Variants in ICE1 observed in about 807,000 individuals in gnomAD.
ICE1 encodes little elongation complex subunit 1.
A neutral mutation model predicts 192.7 loss-of-function variants in ICE1; 64 were observed. The observed-to-expected ratio is 0.33, with a 90% CI of 0.27 to 0.41. The LOEUF (loss-of-function observed/expected upper bound fraction) is 0.41, where lower values mean the gene tolerates loss of function less well. Among genes scored for constraint, ICE1 ranks in the 10% least tolerant of loss-of-function variants. The pLI, the probability that ICE1 is intolerant of heterozygous loss-of-function variation, is 1.00. For missense variants in ICE1, 2,708 were observed against 2,696.0 expected, an observed-to-expected ratio of 1.00 and a Z score of -0.10; for synonymous variants, 1,010 against 984.5, an observed-to-expected ratio of 1.03 and a Z score of -0.49.
chr5:5,467,469 GCT>G (rs1739021599), intron 14 of ICE1, among the ~76,000 whole-genome samples: 1 of 152,106 alleles, frequency 6.6e-6, no homozygotes, highest in African/African-American at 2.4e-5. Context: ...CAGCTTTCTT[GCT>G]CTGTTTCCCT....
Position 5,444,305 on chromosome 5 carries a change from G to T in ICE1, c.403G>T (p.Ala135Ser). 6.4e-7 allele frequency: 1 copy of T among 1,567,378 alleles called. No individual in the cohort carries two copies. Among genetic ancestry groups the T allele is most frequent in the Non-Finnish European group, 8.7e-7 (1 of 1,154,022 alleles). Residue 135 changes from alanine to serine, a missense_variant, in exon 7 of 19, where the codon GCT becomes TCT. This residue lies in a region of ICE1 where 2,366 missense variants were observed against 2,276.6 expected (regional missense o/e 1.04). Coordinates refer to ENST00000296564, the MANE Select transcript of ICE1 (RefSeq NM_015325.3). ...CGTTATTAGGAAGAAGAAACTAGAA[G>T]CTAAGGTGAAGAAGCTGCAAGGTAA... ...KSDAQKKKLE[A>S]KVKKLQEAAV...
chr5:5,459,729 C>T (rs1170185228), intron 12 of ICE1, among the ~76,000 whole-genome samples: 7 of 152,218 alleles, frequency 4.6e-5, no homozygotes, highest in African/African-American at 1.7e-4. Flanking sequence ...CCACTGTTCT[C>T]TAACAGAATA....
chr5:5,440,908 G>A (rs2578555), intron 4 of ICE1, among the ~76,000 whole-genome samples: 68,274 of 150,030 alleles, frequency 0.46, 16,347 homozygotes, highest in East Asian at 0.64. Flanking sequence ...CTAACAAAAA[G>A]AAAGAAAAGA....
At chr5:5,444,064 A>G (rs1738128615) in intron 6 of ICE1, among the ~76,000 whole-genome samples, 1 of 152,208 alleles carries the variant, frequency 6.6e-6, no homozygotes, top group African/African-American at 2.4e-5. Flanking sequence ...CAGAAATTTG[A>G]CAGGCCCATG....
Position 5,464,736 on chromosome 5 carries a change from C to A in ICE1, c.5402C>A (p.Ser1801Ter). 6.2e-7 allele frequency: 1 copy of A among 1,613,940 alleles called. No individual in the cohort carries two copies. Residue 1801 changes from serine to a stop codon, truncating the protein, a stop_gained, in exon 13 of 19, where the codon TCA becomes TAA. Transcript: ENST00000296564. LOFTEE classifies it high-confidence loss of function. The surrounding 1 kb of genome is among the most constrained non-coding windows in gnomAD (Gnocchi z 4.0). ...SAMIGFKTIT[S>*]AATAFVKTGS... is the part of the protein sequence containing the mutation. ...ATGATAGGATTCAAAACGATCACTTCAGCAGCAACTGCTTTTGTCAAAACT... is the reference window on the plus strand; with the variant it reads ...ATGATAGGATTCAAAACGATCACTTAAGCAGCAACTGCTTTTGTCAAAACT...
At chr5:5,446,846 A>G (rs1024595904) in intron 7 of ICE1, among the ~76,000 whole-genome samples, 1 of 152,226 alleles carries the variant, frequency 6.6e-6, no homozygotes, top group Non-Finnish European at 1.5e-5. Flanking sequence ...ATGTAAAGTC[A>G]GTACTGGTCA....
chr5:5,425,483 A>G (rs1241685952), intron 1 of ICE1, among the ~76,000 whole-genome samples: 4 of 152,224 alleles, frequency 2.6e-5, no homozygotes, highest in Non-Finnish European at 1.5e-5. Flanking sequence ...CTTAGTTTAC[A>G]GAGTTCTTCT....
Position 5,463,036 on chromosome 5 carries a change from G to A in ICE1, c.3702G>A (p.Glu1234=), listed in dbSNP as rs1033933749. ...CEEETLGTCE[E]WIESEEDDYS... ...AAGAAACACTTGGAACCTGTGAAGA[G>A]TGGATTGAATCAGAGGAAGATGATT... The change falls in exon 13 of 19, where the codon GAG becomes GAA. Residue 1234 remains glutamate, a synonymous_variant. Transcript: ENST00000296564. The A allele has an allele frequency of 1.1e-5, 17 of 1,613,766 alleles. No homozygotes were observed. The highest frequency in any genetic ancestry group is 2.7e-5 in the African/African-American group (2 of 74,932).
At chr5:5,427,876 A>G (rs1737572101) in intron 1 of ICE1, among the ~76,000 whole-genome samples, 1 of 152,220 alleles carries the variant, frequency 6.6e-6, no homozygotes, top group Non-Finnish European at 1.5e-5. Context: ...TATAGGTATA[A>G]TATAAATATT....
chr5:5,463,081 T>G lies in ICE1; in HGVS notation c.3747T>G (p.Ser1249Arg). 1.2e-6 allele frequency: 2 copies of G among 1,613,392 alleles called. No homozygotes were observed. Among genetic ancestry groups the G allele is most frequent in the Non-Finnish European group, 1.7e-6 (2 of 1,179,688 alleles). ...ATGATTATTCGTTAAAAAATACAAG[T>G]CAGCTCACTCAGTGTTCTTTGGAAA... ...EEDDYSLKNT[S>R]QLTQCSLETL... Residue 1249 changes from serine (S) to arginine (R), a missense_variant, in exon 13 of 19, where the codon AGT becomes AGG. Around this residue, in one of 2 missense-constraint regions of ICE1, gnomAD observed 2,366 missense variants for 2,276.6 expected, o/e 1.04. Coordinates refer to ENST00000296564, the MANE Select transcript of ICE1 (RefSeq NM_015325.3).
chr5:5,460,386 T>G, intron 12 of ICE1, 50 bp from the exon 13 acceptor site: 1 of 1,087,438 alleles, frequency 9.2e-7, no homozygotes, highest in Non-Finnish European at 1.3e-6. Context: ...TTGATAGTCA[T>G]GTTAATCTGT....
rs1738274461 is a variant in ICE1, at chr5:5,447,663, T to G, written c.508-58T>G. The G allele has an allele frequency of 2.9e-5, 43 of 1,489,256 alleles. 1 individual carries two copies. In the South Asian group the frequency reaches 5.1e-4, roughly 18 times the overall value. The allele number at this position is 1,489,256 out of a possible 1,614,324, so 92.3% of individuals were successfully genotyped here. Reference sequence around the variant, plus strand: ...TAAGTTGCACCTGTTTTACATTTGGTCTAGAATGGCTGCACTTCTTATTCA... The same window carrying G: ...TAAGTTGCACCTGTTTTACATTTGGGCTAGAATGGCTGCACTTCTTATTCA... On this transcript the variant is annotated intron_variant, in intron 8 of 18. Transcript: ENST00000296564.
intron 11 of ICE1, among the ~76,000 whole-genome samples, chr5:5,456,891 C>T (rs1244886307): frequency 6.6e-6 from 1 of 152,078 alleles, no homozygotes; most frequent in Non-Finnish European, 1.5e-5. Context: ...ACAGATTTGG[C>T]CGTGGGTAGG....
At position 5,423,015 on chromosome 5, in the gene ICE1, G is replaced by T; in HGVS notation, c.84+16G>T. On this transcript the variant is annotated intron_variant, in intron 1 of 18. Transcript: ENST00000296564. ...TCTGCAGCAGGTGCAGCACCTCCCGGGGCCCCGGGCGCGGGGGGGGACTCG... is the reference window on the plus strand; with the variant it reads ...TCTGCAGCAGGTGCAGCACCTCCCGTGGCCCCGGGCGCGGGGGGGGACTCG... The T allele has an allele frequency of 7.3e-7, 1 of 1,361,114 alleles. No individual in the cohort carries two copies. Among genetic ancestry groups the T allele is most frequent in the Non-Finnish European group, 9.5e-7 (1 of 1,052,308 alleles). The allele number at this position is 1,361,114 out of a possible 1,614,324, so 84.3% of individuals were successfully genotyped here.
chr5:5,463,351 T>C lies in ICE1; in HGVS notation c.4017T>C (p.Asn1339=). 1.2e-6 allele frequency: 2 copies of C among 1,613,740 alleles called. No homozygotes were observed. Among genetic ancestry groups the C allele is most frequent in the Non-Finnish European group, 1.7e-6 (2 of 1,179,816 alleles). Reference sequence around the variant, plus strand: ...CTCCCATCAGCGGTATGCCTCAGAATGAAAACCCTCAGAGCAGACCAGAGG... The same window carrying C: ...CTCCCATCAGCGGTATGCCTCAGAACGAAAACCCTCAGAGCAGACCAGAGG... ...GSSPISGMPQ[N]ENPQSRPEAR... is the part of the protein sequence containing the mutation. Residue 1339 remains asparagine, a synonymous_variant, in exon 13 of 19, where the codon AAT becomes AAC. Transcript: ENST00000296564.
At chr5:5,451,656 AC>A (rs1166665195) in intron 10 of ICE1, among the ~76,000 whole-genome samples, 3 of 152,170 alleles carry the variant, frequency 2.0e-5, no homozygotes, top group African/African-American at 7.2e-5. Flanking sequence ...ACAAACCTGA[AC>A]AAAAAATAGG....
Position 5,457,329 on chromosome 5 carries a change from T to A in ICE1, c.692-3T>A. 1.3e-6 allele frequency: 2 copies of A among 1,589,122 alleles called. No homozygotes were observed. Reference sequence around the variant, plus strand: ...TGATACCTACTTTTGTTCCCCCACATAGAAAAACCTGCCAAAGCAATCACC... The same window carrying A: ...TGATACCTACTTTTGTTCCCCCACAAAGAAAAACCTGCCAAAGCAATCACC... On this transcript the variant is annotated splice_region_variant and splice_polypyrimidine_tract_variant and intron_variant, in intron 11 of 18. Coordinates refer to ENST00000296564, the MANE Select transcript of ICE1 (RefSeq NM_015325.3).
At chr5:5,469,337 C>T (rs1739087089) in intron 15 of ICE1, among the ~76,000 whole-genome samples, 1 of 152,138 alleles carries the variant, frequency 6.6e-6, no homozygotes, top group Non-Finnish European at 1.5e-5. Context: ...ATATATATTT[C>T]AGTTTTTTCC....
In ICE1 at chr5:5,463,584, T is replaced by G; in HGVS notation, c.4250T>G (p.Val1417Gly). ...CTTATAAATAAGGATCAGAATCTAG[T>G]CATTGAAAAGGGGGACAACTGGACA... is the stretch of plus-strand genomic sequence containing the variant. ...NVLINKDQNL[V>G]IEKGDNWTII... is the part of the protein sequence containing the mutation. Residue 1417 changes from valine to glycine, a missense_variant, in exon 13 of 19, where the codon GTC becomes GGC. Val to Gly is a moderately radical substitution (Grantham distance 109). Transcript: ENST00000296564. 2.5e-6 allele frequency: 4 copies of G among 1,613,948 alleles called. No individual in the cohort carries two copies. Among genetic ancestry groups the G allele is most frequent in the Non-Finnish European group, 3.4e-6 (4 of 1,179,888 alleles).
Sources: allele counts gnomAD v4.1 joint callset (sites outside exome capture counted in the v4.1 genomes callset), GRCh38; gene constraint gnomAD v4.1.1; regional missense constraint gnomAD v4.1.1; non-coding constraint Gnocchi (gnomAD v3.1); transcripts MANE v1.5; gene names NCBI Gene and HGNC (gene_info 2026-07-23, HGNC 2026-07-21).